The following ADGRL3 variants were observed in gnomAD, a reference collection of about 807,000 sequenced individuals.
ADGRL3 encodes the protein adhesion G protein-coupled receptor L3.
In ADGRL3, 62 loss-of-function variants were observed where a neutral mutation model predicts 153.5. The observed-to-expected ratio is 0.40, with a 90% CI of 0.33 to 0.50. The LOEUF is 0.50. Ranked by LOEUF, ADGRL3 falls within the 20% of genes least tolerant of loss-of-function variation. The pLI, the probability that ADGRL3 is intolerant of heterozygous loss-of-function variation, is 0.47. For missense variants in ADGRL3, 1,641 were observed against 1,859.4 expected, an observed-to-expected ratio of 0.88 and a Z score of 2.16; for synonymous variants, 710 against 672.5, an observed-to-expected ratio of 1.06 and a Z score of -0.86.
intron 13 of ADGRL3, among the ~76,000 whole-genome samples, chr4:61,918,619 C>T (rs1287209195): frequency 6.6e-6 from 1 of 152,136 alleles, no homozygotes; most frequent in Non-Finnish European, 1.5e-5. Flanking sequence ...ATGAGGAGCA[C>T]CAGGAGAGCA....
At chr4:61,818,226 T>C (rs1255498754) in intron 9 of ADGRL3, among the ~76,000 whole-genome samples, 1 of 151,780 alleles carries the variant, frequency 6.6e-6, no homozygotes, top group Non-Finnish European at 1.5e-5. Flanking sequence ...ATGGAAGAAA[T>C]TGGCCAAAAT....
At chr4:61,372,487 C>G (rs990679709) in intron 1 of ADGRL3, among the ~76,000 whole-genome samples, 2 of 152,118 alleles carry the variant, frequency 1.3e-5, no homozygotes. Flanking sequence ...GAGTACCCTG[C>G]AGTGTGAGGT....
chr4:61,442,859 T>C (rs2097542225), intron 2 of ADGRL3, among the ~76,000 whole-genome samples: 1 of 152,188 alleles, frequency 6.6e-6, no homozygotes, highest in African/African-American at 2.4e-5. Context: ...TTATAGTTTT[T>C]CCTTTCCAAG....
chr4:61,763,567 T>C (rs1239707167), intron 8 of ADGRL3, among the ~76,000 whole-genome samples: 2 of 152,196 alleles, frequency 1.3e-5, no homozygotes, highest in African/African-American at 4.8e-5. Context: ...GTTTTATAGG[T>C]ATATGCTATT....
At chr4:61,209,312 C>T (rs1317652610) in intron 1 of ADGRL3, among the ~76,000 whole-genome samples, 1 of 152,108 alleles carries the variant, frequency 6.6e-6, no homozygotes, top group Non-Finnish European at 1.5e-5. Flanking sequence ...GTTTCTGGCT[C>T]TGTCATCTCT....
At chr4:61,493,606 C>T (rs528510576) in intron 2 of ADGRL3, among the ~76,000 whole-genome samples, 1 of 152,302 alleles carries the variant, frequency 6.6e-6, no homozygotes, top group South Asian at 2.1e-4. Flanking sequence ...AAATGCGCCA[C>T]TGTAATTAGG....
In ADGRL3 at chr4:61,820,903, T is replaced by C. The variant is rs770291779; in HGVS notation, c.1480+7014T>C. Among the ~76,000 whole-genome samples, 85 of 152,244 alleles carry C rather than the reference T, an allele frequency of 5.6e-4. No homozygotes were observed. In the Middle Eastern group the frequency reaches 0.01, roughly 18 times the overall value. ...CAAAATGCCCTACCCTAGAATCAAATCTTAATATATTACAGACAGAGTCAC... is the reference window on the plus strand; with the variant it reads ...CAAAATGCCCTACCCTAGAATCAAACCTTAATATATTACAGACAGAGTCAC... On this transcript the variant is annotated intron_variant, in intron 9 of 26. Transcript: ENST00000683033.
At chr4:61,712,451 C>T (rs920964322) in intron 6 of ADGRL3, among the ~76,000 whole-genome samples, 1 of 151,994 alleles carries the variant, frequency 6.6e-6, no homozygotes, top group Admixed American at 6.6e-5. Context: ...GAATTGAAAT[C>T]CTAAACTCAT....
chr4:61,696,874 AC>A (rs1194874217), intron 6 of ADGRL3, among the ~76,000 whole-genome samples: 1 of 151,806 alleles, frequency 6.6e-6, no homozygotes, highest in Non-Finnish European at 1.5e-5. Context: ...ACGAGGTTTC[AC>A]CATGTTGGTG....
At chr4:62,039,189 T>A (rs1726810027) in intron 24 of ADGRL3, among the ~76,000 whole-genome samples, 1 of 152,172 alleles carries the variant, frequency 6.6e-6, no homozygotes, top group South Asian at 2.1e-4. Flanking sequence ...TTCATTTATA[T>A]GCTTAGAAAA....
At chr4:61,438,710 CTTTT>C (rs11372072) in intron 2 of ADGRL3, among the ~76,000 whole-genome samples, 2 of 137,928 alleles carry the variant, frequency 1.5e-5, no homozygotes, top group Non-Finnish European at 1.5e-5. Context: ...ATCTTTCTTT[CTTTT>C]TTTTTTTTTT....
chr4:61,319,176 G>A (rs913967802), intron 1 of ADGRL3, among the ~76,000 whole-genome samples: 1 of 152,098 alleles, frequency 6.6e-6, no homozygotes, highest in Admixed American at 6.6e-5. Context: ...GGTGAAAAGT[G>A]TAAAAATTTG....
chr4:61,534,350 A>G (rs1476500663), intron 4 of ADGRL3, among the ~76,000 whole-genome samples: 1 of 152,110 alleles, frequency 6.6e-6, no homozygotes, highest in Non-Finnish European at 1.5e-5. Context: ...TTCTTGCCTT[A>G]TAGTTTAAAG....
chr4:61,843,246 A>T (rs1253075259), intron 9 of ADGRL3, among the ~76,000 whole-genome samples: 1 of 152,198 alleles, frequency 6.6e-6, no homozygotes, highest in Non-Finnish European at 1.5e-5. Context: ...ACTTATAGAT[A>T]TGCAAAAACC....
chr4:61,355,706 G>A (rs1578405455), intron 1 of ADGRL3, among the ~76,000 whole-genome samples: 1 of 152,090 alleles, frequency 6.6e-6, no homozygotes, highest in Admixed American at 6.5e-5. Flanking sequence ...TGTAGATAGT[G>A]TCTAGTTGTT....
chr4:61,652,679 A>G (rs866353843), intron 5 of ADGRL3, among the ~76,000 whole-genome samples: 1 of 152,336 alleles, frequency 6.6e-6, no homozygotes, highest in Middle Eastern at 3.4e-3. Context: ...GGACACCTGT[A>G]TGCTCACCTA....
At chr4:61,271,821 AG>A in intron 1 of ADGRL3, among the ~76,000 whole-genome samples, 1 of 152,010 alleles carries the variant, frequency 6.6e-6, no homozygotes. Context: ...AAATAGTAAA[AG>A]GGTTTCCCTT....
At chr4:61,512,107 C>A (rs1378293813) in intron 3 of ADGRL3, among the ~76,000 whole-genome samples, 1 of 139,500 alleles carries the variant, frequency 7.2e-6, no homozygotes, top group Non-Finnish European at 1.5e-5. Flanking sequence ...GCCCCCCAAC[C>A]CTTCTCTTTC....
At chr4:61,817,152 C>G (rs1258069949) in intron 9 of ADGRL3, among the ~76,000 whole-genome samples, 2 of 145,516 alleles carry the variant, frequency 1.4e-5, no homozygotes, top group Non-Finnish European at 3.1e-5. Flanking sequence ...TCTGCAGACC[C>G]CCCCCCCCCC....
Sources: gnomAD v4.1 joint callset for allele counts (sites outside exome capture counted in the v4.1 genomes callset) on GRCh38, gnomAD v4.1.1 for gene constraint, MANE v1.5 for transcripts, NCBI Gene and HGNC (gene_info 2026-07-23, HGNC 2026-07-21) for gene names.